Variants in PMF1 observed in about 807,000 individuals in gnomAD.
The protein encoded by PMF1 is polyamine modulated factor 1.
A neutral mutation model predicts 26.7 loss-of-function variants in PMF1; 21 were observed. The ratio of observed to expected loss-of-function variants is 0.79; its 90% CI spans 0.56 to 1.13. PMF1 has a LOEUF of 1.13. Ranked by LOEUF, PMF1 falls within the 50% of genes most tolerant of loss-of-function variation. The probability of loss-of-function intolerance (pLI) is 0.00; values close to 1 mark genes in which losing one functional copy is unlikely to be tolerated. For missense variants in PMF1, 266 were observed against 254.9 expected, an observed-to-expected ratio of 1.04 and a Z score of -0.30; for synonymous variants, 105 against 101.0, an observed-to-expected ratio of 1.04 and a Z score of -0.24.
At chr1:156,226,409 A>G (rs1432809322) in intron 1 of PMF1, among the ~76,000 whole-genome samples, 7 of 152,236 alleles carry the variant, frequency 4.6e-5, no homozygotes, top group Non-Finnish European at 1.0e-4. Flanking sequence ...TAGTGGGGAC[A>G]AATCCTGACA....
chr1:156,229,461 G>A (rs947586100), intron 1 of PMF1, among the ~76,000 whole-genome samples: 2 of 151,734 alleles, frequency 1.3e-5, no homozygotes, highest in African/African-American at 4.8e-5. Context: ...CCTTGATCCA[G>A]TATTTCCACC....
At chr1:156,236,515 T>C (rs546665575) in intron 4 of PMF1, 32 bp downstream of exon 4, 1 of 1,569,920 alleles carries the variant, frequency 6.4e-7, no homozygotes, top group South Asian at 1.2e-5. Flanking sequence ...TTCCTCTTCC[T>C]TCTCTAATGG....
rs923708981 is a variant in PMF1 at position 156,236,283 on chromosome 1, T to C, written c.369-5T>C. 6.2e-7 allele frequency: 1 copy of C among 1,602,536 alleles called. No individual in the cohort carries two copies. Among genetic ancestry groups the C allele is most frequent in the Admixed American group, 1.7e-5 (1 of 59,716 alleles). ...TCATTCCTTGTGCCCCGTGTGGCCC[T>C]CCAGGCGCCCCAGCGGGATCCCAGA... On this transcript the variant is annotated splice_polypyrimidine_tract_variant and splice_region_variant and intron_variant, in intron 3 of 4. Coordinates refer to ENST00000368277, the MANE Select transcript of PMF1 (RefSeq NM_007221.4).
chr1:156,219,876 A>G (rs1657985678), intron 1 of PMF1, among the ~76,000 whole-genome samples: 1 of 150,560 alleles, frequency 6.6e-6, no homozygotes, highest in Admixed American at 6.6e-5. Flanking sequence ...CAGCCTCCCG[A>G]GTAGCTGGGA....
intron 1 of PMF1, among the ~76,000 whole-genome samples, chr1:156,213,585 T>G (rs535551974): frequency 8.5e-5 from 13 of 152,164 alleles, no homozygotes; most frequent in Non-Finnish European, 1.9e-4. Flanking sequence ...CTGCCGCAGC[T>G]TCCCAAGTAG....
At chr1:156,231,817 A>G (rs1658726847) in intron 1 of PMF1, among the ~76,000 whole-genome samples, 2 of 152,330 alleles carry the variant, frequency 1.3e-5, no homozygotes, top group Admixed American at 1.3e-4. Flanking sequence ...CCCTCAGGCC[A>G]GGGCCCCCAT....
chr1:156,227,963 T>G (rs1658466257), intron 1 of PMF1, among the ~76,000 whole-genome samples: 1 of 143,288 alleles, frequency 7.0e-6, no homozygotes, highest in Non-Finnish European at 1.5e-5. Context: ...AGACGGAGTT[T>G]CATTCTTGTT....
chr1:156,225,683 C>A (rs1658336454), intron 1 of PMF1: 2 of 1,424,836 alleles, frequency 1.4e-6, no homozygotes, highest in Non-Finnish European at 9.7e-7. Flanking sequence ...GTCCTGGCTC[C>A]TTTTTTGGCT....
chr1:156,229,846 T>G (rs1658596113), intron 1 of PMF1, among the ~76,000 whole-genome samples: 1 of 152,232 alleles, frequency 6.6e-6, no homozygotes, highest in Non-Finnish European at 1.5e-5. Flanking sequence ...GTGCTGAGAT[T>G]ACAGGCATGA....
intron 1 of PMF1, among the ~76,000 whole-genome samples, chr1:156,221,802 T>G (rs1658096096): frequency 6.6e-6 from 1 of 152,178 alleles, no homozygotes; most frequent in African/African-American, 2.4e-5. Flanking sequence ...CACTATCCAT[T>G]CTCTAGGCTA....
rs186042980 is a variant in PMF1, at chr1:156,237,118, C to T, written c.564+635C>T. The stretch of plus-strand genomic sequence containing the variant: ...TGGTTTTGTTCTGAGATGGGGGTCT[C>T]GCTATACTGCCCAGGCCAGTCTCGA... On this transcript the variant is annotated intron_variant, in intron 4 of 4. Transcript: ENST00000368277. 5.0e-4 allele frequency: 77 copies of T among 153,122 alleles called. No homozygotes were observed. In the East Asian group the frequency reaches 5.2e-3, roughly 10 times the overall value. The allele number at this position is 153,122 out of a possible 1,614,324, so 9.5% of individuals were successfully genotyped here. A position where few individuals can be genotyped will look rare whatever the true frequency, so the allele number is the denominator to read the frequency against.
At chr1:156,221,688 A>C (rs1426807667) in intron 1 of PMF1, among the ~76,000 whole-genome samples, 1 of 152,098 alleles carries the variant, frequency 6.6e-6, no homozygotes. Flanking sequence ...TACTACTACA[A>C]ATCTCCATTT....
At chr1:156,220,744 C>T (rs541111888) in intron 1 of PMF1, 3 of 152,116 alleles carry the variant, frequency 2.0e-5, no homozygotes, top group Non-Finnish European at 4.4e-5. Flanking sequence ...GCAACCTCCA[C>T]CTCCTGGGTT....
chr1:156,213,104 C>T lies in PMF1; in HGVS notation c.89C>T (p.Thr30Ile). Reference protein sequence around the residue: ...GSSSESVPPGTTISRVKLLDT... With the variant: ...GSSSESVPPGITISRVKLLDT... ...TCTTCGGAATCTGTGCCACCCGGCA[C>T]TACCATTTCGAGGGTGAAGCTCCTC... The change falls in exon 1 of 5, where the codon ACT (threonine) becomes ATT (isoleucine). Residue 30 changes from threonine to isoleucine, a missense_variant. Transcript: ENST00000368277. 6.2e-7 allele frequency: 1 copy of T among 1,614,252 alleles called. No individual in the cohort carries two copies. The highest frequency in any genetic ancestry group is 1.1e-5 in the South Asian group (1 of 91,090).
chr1:156,239,693 C>A lies in PMF1; in HGVS notation c.*92C>A. The A allele has an allele frequency of 2.0e-6, 2 of 1,012,874 alleles. No homozygotes were observed. The highest frequency in any genetic ancestry group is 3.1e-6 in the Non-Finnish European group (2 of 643,216). 62.7% of individuals were successfully genotyped at this position (1,012,874 alleles called of 1,614,324 possible). A position where few individuals can be genotyped will look rare whatever the true frequency, so the allele number is the denominator to read the frequency against. On this transcript the variant is annotated 3_prime_UTR_variant, in exon 5 of 5. Coordinates refer to ENST00000368277, the MANE Select transcript of PMF1 (RefSeq NM_007221.4). ...CTGGGCGGGCTACCTCTGAGAACGG[C>A]TGAAATGGTGCCCAGTCCATCAGCA...
chr1:156,227,215 T>G (rs1658416138), intron 1 of PMF1, among the ~76,000 whole-genome samples: 1 of 152,138 alleles, frequency 6.6e-6, no homozygotes, highest in African/African-American at 2.4e-5. Context: ...ATTAAAAATT[T>G]TTTTTTGGCC....
At chr1:156,214,743 T>TA (rs1657594297) in intron 1 of PMF1, among the ~76,000 whole-genome samples, 1 of 143,308 alleles carries the variant, frequency 7.0e-6, no homozygotes. Flanking sequence ...ACCCTGCCTC[T>TA]AAAAAAGAAA....
intron 1 of PMF1, among the ~76,000 whole-genome samples, chr1:156,222,611 A>T (rs541267062): frequency 8.5e-5 from 13 of 152,224 alleles, no homozygotes; most frequent in Non-Finnish European, 1.8e-4. Context: ...CAAACTCCTG[A>T]CCTCAGGTGA....
chr1:156,223,909 C>T (rs1175243463), intron 1 of PMF1: 2 of 152,228 alleles, frequency 1.3e-5, no homozygotes, highest in Non-Finnish European at 2.9e-5. Context: ...GGGTTTGTAC[C>T]ACCAAGCTTG....
Sources: allele counts gnomAD v4.1 joint callset (sites outside exome capture counted in the v4.1 genomes callset), GRCh38; gene constraint gnomAD v4.1.1; transcripts MANE v1.5; gene names NCBI Gene and HGNC (gene_info 2026-07-23, HGNC 2026-07-21).